The following ICA1 variants were observed in gnomAD, a reference collection of about 807,000 sequenced individuals.
The protein encoded by ICA1 is islet cell autoantigen 1, also known as 69 kDa islet cell autoantigen.
ICA1 carries 40 observed loss-of-function variants against 71.0 expected under a neutral mutation model. The observed-to-expected ratio is 0.56, with a 90% CI of 0.44 to 0.73. ICA1 has a LOEUF of 0.73. Ranked by LOEUF, ICA1 falls within the 30% of genes least tolerant of loss-of-function variation. ICA1 has a pLI of 0.00. For synonymous variants in ICA1, 207 were observed against 209.5 expected (o/e 0.99, Z 0.10); for missense variants, 578 against 576.5 (o/e 1.00, Z -0.03).
chr7:8,191,996 AAC>A lies in ICA1; in HGVS notation c.579+26307_579+26308del, dbSNP rs372355103. On this transcript the variant is annotated intron_variant, in intron 6 of 13. Coordinates refer to ENST00000402384, the MANE Select transcript of ICA1 (RefSeq NM_001136020.3). ...ACATTTGTTTCATTTTCTAAATACA[AAC>A]ACACATAGATTTTTTCCTAAACTGT... Among the ~76,000 whole-genome samples the A allele has an allele frequency of 6.3e-4, 96 of 152,294 alleles. 1 individual carries two copies. Among genetic ancestry groups the A allele is most frequent in the African/African-American group, 1.9e-3 (79 of 41,564 alleles).
chr7:8,228,213 A>G lies in ICA1; in HGVS notation c.256+388T>C, dbSNP rs376189697. Among the ~76,000 whole-genome samples, 14 of 152,346 alleles carry G rather than the reference A, an allele frequency of 9.2e-5. No individual in the cohort carries two copies. In the South Asian group the frequency reaches 2.9e-3, roughly 32 times the overall value. ...GAAGAAATGTTGTCAACAAAATGTC[A>G]TCAACAAATCAACTGTATGTGCCTT... On this transcript the variant is annotated intron_variant, in intron 4 of 13. Transcript: ENST00000402384.
chr7:8,205,768 A>T (rs542010812), intron 6 of ICA1, among the ~76,000 whole-genome samples: 1 of 152,086 alleles, frequency 6.6e-6, no homozygotes, highest in East Asian at 2.0e-4. Context: ...TTGAGAGAAC[A>T]GAGTTGAGAG....
At chr7:8,246,884 C>A (rs1806224580) in intron 1 of ICA1, among the ~76,000 whole-genome samples, 1 of 152,146 alleles carries the variant, frequency 6.6e-6, no homozygotes, top group South Asian at 2.1e-4. Context: ...GTAGCTGGAA[C>A]TACAGGCATG....
chr7:8,232,233 C>T (rs1800478507), intron 3 of ICA1, among the ~76,000 whole-genome samples: 1 of 152,150 alleles, frequency 6.6e-6, no homozygotes, highest in Non-Finnish European at 1.5e-5. Context: ...TACCTGAGTT[C>T]TTCTTTTAAA....
At chr7:8,160,601 C>T (rs1379218883) in intron 6 of ICA1, among the ~76,000 whole-genome samples, 2 of 152,224 alleles carry the variant, frequency 1.3e-5, no homozygotes, top group Admixed American at 6.5e-5. Context: ...TGAGGCAGTA[C>T]ATTGAACACT....
At chr7:8,146,726 C>CGT (rs1309590761) in intron 8 of ICA1, among the ~76,000 whole-genome samples, 9 of 141,924 alleles carry the variant, frequency 6.3e-5, no homozygotes, top group Non-Finnish European at 1.2e-4. Flanking sequence ...CACGTGTGTG[C>CGT]GTGTGTGTGC....
intron 12 of ICA1, among the ~76,000 whole-genome samples, chr7:8,131,826 T>C (rs185102278): frequency 1.3e-5 from 2 of 152,090 alleles, no homozygotes; most frequent in East Asian, 1.9e-4. Context: ...TTGAAAAAAA[T>C]TCAACTCAAC....
intron 6 of ICA1, among the ~76,000 whole-genome samples, chr7:8,187,962 A>G (rs1382490276): frequency 6.6e-6 from 1 of 152,208 alleles, no homozygotes; most frequent in Non-Finnish European, 1.5e-5. Flanking sequence ...TTCAGAAGTT[A>G]AGAAACCTGC....
chr7:8,134,865 C>T (rs958268691), intron 12 of ICA1, among the ~76,000 whole-genome samples: 9 of 151,674 alleles, frequency 5.9e-5, no homozygotes, highest in Non-Finnish European at 8.8e-5. Flanking sequence ...AACAACAAAC[C>T]AACAGCACTG....
chr7:8,136,626 T>C (rs1434531400), intron 12 of ICA1, among the ~76,000 whole-genome samples: 1 of 152,224 alleles, frequency 6.6e-6, no homozygotes, highest in Non-Finnish European at 1.5e-5. Flanking sequence ...AGAAGGGCTG[T>C]GTGGGTTGGC....
At chr7:8,163,571 A>C (rs1214403563) in intron 6 of ICA1, among the ~76,000 whole-genome samples, 2 of 152,194 alleles carry the variant, frequency 1.3e-5, no homozygotes, top group Non-Finnish European at 2.9e-5. Flanking sequence ...ACTCAGAAGG[A>C]AAGTCACATA....
chr7:8,253,933 A>G (rs538645480), intron 1 of ICA1, among the ~76,000 whole-genome samples: 78 of 152,364 alleles, frequency 5.1e-4, no homozygotes, highest in African/African-American at 1.9e-3. Context: ...ACGTAAGCAT[A>G]ATATCAGCCA....
chr7:8,245,518 C>G (rs1209511758), intron 1 of ICA1, among the ~76,000 whole-genome samples: 1 of 151,930 alleles, frequency 6.6e-6, no homozygotes, highest in South Asian at 2.1e-4. Flanking sequence ...TGTAATGAGC[C>G]TGCACGTTGT....
chr7:8,251,894 G>T (rs1011249070), intron 1 of ICA1, among the ~76,000 whole-genome samples: 1 of 152,138 alleles, frequency 6.6e-6, no homozygotes, highest in African/African-American at 2.4e-5. Context: ...TCTAGGTCTT[G>T]CTCCTCTTTC....
At chr7:8,217,031 T>C (rs1442087193) in intron 6 of ICA1, among the ~76,000 whole-genome samples, 1 of 152,254 alleles carries the variant, frequency 6.6e-6, no homozygotes, top group East Asian at 1.9e-4. Context: ...AAAAGTAGCC[T>C]GGGCTCACCA....
At chr7:8,191,687 A>G (rs1279885521) in intron 6 of ICA1, among the ~76,000 whole-genome samples, 2 of 152,094 alleles carry the variant, frequency 1.3e-5, no homozygotes, top group East Asian at 3.8e-4. Context: ...TATGTGTTAT[A>G]TAATACATAT....
chr7:8,232,345 T>G (rs1348583699), intron 3 of ICA1, among the ~76,000 whole-genome samples: 1 of 152,216 alleles, frequency 6.6e-6, no homozygotes, highest in Non-Finnish European at 1.5e-5. Flanking sequence ...CAAGAAACGC[T>G]TACTGAGAAT....
intron 12 of ICA1, among the ~76,000 whole-genome samples, chr7:8,135,814 G>T (rs1235272236): frequency 2.0e-5 from 3 of 152,160 alleles, no homozygotes; most frequent in Admixed American, 1.3e-4. Context: ...CCTGGAGAGG[G>T]ATCTTTTGGG....
chr7:8,199,153 G>A (rs939244202), intron 6 of ICA1, among the ~76,000 whole-genome samples: 2 of 152,196 alleles, frequency 1.3e-5, no homozygotes, highest in African/African-American at 4.8e-5. Context: ...CAACCATTGT[G>A]GAGAACTGTC....
Sources: allele counts gnomAD v4.1 joint callset (sites outside exome capture counted in the v4.1 genomes callset), GRCh38; gene constraint gnomAD v4.1.1; transcripts MANE v1.5; gene names NCBI Gene and HGNC (gene_info 2026-07-23, HGNC 2026-07-21).